The following CUBN variants were observed in gnomAD, a reference collection of about 807,000 sequenced individuals.
CUBN encodes 460 kDa receptor.
In CUBN, 282 loss-of-function variants were observed where a neutral mutation model predicts 405.3. The ratio of observed to expected loss-of-function variants is 0.70; its 90% CI spans 0.63 to 0.77. CUBN has a LOEUF of 0.77. Among genes scored for constraint, CUBN ranks in the 30% least tolerant of loss-of-function variants. The pLI is 0.00. For synonymous variants in CUBN, 1,684 were observed against 1,617.0 expected (o/e 1.04, Z -0.99); for missense variants, 4,514 against 4,475.2 (o/e 1.01, Z -0.25).
chr10:16,983,596 T>C (rs1370337099), intron 30 of CUBN, among the ~76,000 whole-genome samples: 1 of 152,248 alleles, frequency 6.6e-6, no homozygotes, highest in Non-Finnish European at 1.5e-5. Context: ...CTATCTCTAG[T>C]AGTTGCATAT....
chr10:16,891,946 A>G (rs536444488), intron 54 of CUBN, among the ~76,000 whole-genome samples: 3 of 152,338 alleles, frequency 2.0e-5, no homozygotes, highest in East Asian at 1.9e-4. Flanking sequence ...ACAAGGATGT[A>G]GTTGGATGTG....
intron 6 of CUBN, among the ~76,000 whole-genome samples, chr10:17,118,302 C>T (rs1371079492): frequency 1.3e-5 from 2 of 152,148 alleles, no homozygotes; most frequent in Non-Finnish European, 2.9e-5. Context: ...CCCAAAACCA[C>T]AAAATGAATA....
At chr10:16,916,321 A>G (rs994883091) in intron 45 of CUBN, among the ~76,000 whole-genome samples, 1 of 152,244 alleles carries the variant, frequency 6.6e-6, no homozygotes, top group African/African-American at 2.4e-5. Flanking sequence ...TTCTTTTGGG[A>G]CACTATGTAA....
intron 59 of CUBN, among the ~76,000 whole-genome samples, chr10:16,867,246 G>A (rs1019452416): frequency 6.6e-6 from 1 of 151,086 alleles, no homozygotes; most frequent in African/African-American, 2.4e-5. Flanking sequence ...CTCTTCAGGG[G>A]AAAGACAGAG....
At chr10:16,830,452 C>T (rs1838951609) in intron 65 of CUBN, among the ~76,000 whole-genome samples, 1 of 152,128 alleles carries the variant, frequency 6.6e-6, no homozygotes, top group Non-Finnish European at 1.5e-5. Flanking sequence ...AATGTATTGA[C>T]ATGACTTAAA....
At chr10:17,103,089 T>C (rs1034509449) in intron 13 of CUBN, 36 bp downstream of exon 13, 2 of 1,094,428 alleles carry the variant, frequency 1.8e-6, no homozygotes, top group Non-Finnish European at 2.8e-6. Context: ...TATATACAAA[T>C]ATAATATGCA....
At chr10:16,923,337 G>A (rs1466745636) in intron 43 of CUBN, among the ~76,000 whole-genome samples, 1 of 152,146 alleles carries the variant, frequency 6.6e-6, no homozygotes, top group Non-Finnish European at 1.5e-5. Flanking sequence ...TAGCGAAGGA[G>A]TGTCTCTGGA....
At chr10:17,061,483 T>C (rs981070573) in intron 22 of CUBN, among the ~76,000 whole-genome samples, 1 of 152,182 alleles carries the variant, frequency 6.6e-6, no homozygotes, top group African/African-American at 2.4e-5. Context: ...AGTTTTAAAA[T>C]AGAAACAGAA....
At chr10:16,964,440 A>G (rs974064225) in intron 31 of CUBN, among the ~76,000 whole-genome samples, 2 of 152,204 alleles carry the variant, frequency 1.3e-5, no homozygotes. Context: ...TATTATCTTA[A>G]CTATGCATGT....
chr10:16,846,598 G>T (rs1177998247), intron 60 of CUBN, among the ~76,000 whole-genome samples: 4 of 151,968 alleles, frequency 2.6e-5, no homozygotes, highest in Non-Finnish European at 5.9e-5. Flanking sequence ...GATCACCTAA[G>T]GTCAGGAGTT....
chr10:16,841,031 C>G lies in CUBN; in HGVS notation c.9680G>C (p.Ser3227Thr). 8.1e-6 allele frequency: 13 copies of G among 1,614,094 alleles called. No homozygotes were observed. Among genetic ancestry groups the G allele is most frequent in the Non-Finnish European group, 1.1e-5 (13 of 1,179,990 alleles). Residue 3227 changes from serine to threonine, a missense_variant, in exon 61 of 67, where the codon AGT becomes ACT. By Grantham distance (58) the Ser-to-Thr change is moderately conservative (BLOSUM62 1). Transcript: ENST00000377833. ...YDYVKLYDGDSENANLAGTFC... is the reference protein window; with the variant it reads ...YDYVKLYDGDTENANLAGTFC... ...CGTTCCAGCCAAGTTCGCATTTTCA[C>G]TATCCCCATCATATAACTGAGAAGA...
rs1387497437 is a variant in CUBN at position 16,925,603 on chromosome 10, T to C, written c.6443A>G (p.Asn2148Ser). 8 of 1,613,872 alleles carry C rather than the reference T, an allele frequency of 5.0e-6. No individual in the cohort carries two copies. The African/African-American group carries it at 5.3e-5, about 11-fold the overall frequency. The change falls in exon 42 of 67, where the codon AAC (asparagine) becomes AGC (serine). Residue 2148 changes from asparagine (N) to serine (S), a missense_variant. By Grantham distance (46) the Asn-to-Ser change is conservative. Around this residue, in one of 5 missense-constraint regions of CUBN, gnomAD observed 1,613 missense variants for 1,542.8 expected, o/e 1.05. Transcript: ENST00000377833. ...FQIPNGDSSC[N>S]QGDYLVLRNG... The stretch of plus-strand genomic sequence containing the variant: ...ACCTACCACCAAGTAATCCCCCTGG[T>C]TGCAAGAAGAATCTCCATTTGGAAT...
chr10:17,044,613 T>C (rs1344596939), intron 25 of CUBN, among the ~76,000 whole-genome samples: 4 of 152,138 alleles, frequency 2.6e-5, no homozygotes, highest in Non-Finnish European at 5.9e-5. Context: ...AAATGAACAA[T>C]GGTGAATTGC....
chr10:16,937,608 T>A lies in CUBN; in HGVS notation c.5910A>T (p.Leu1970Phe). 1 of 1,613,838 alleles carries A rather than the reference T, an allele frequency of 6.2e-7. No individual in the cohort carries two copies. Among genetic ancestry groups the A allele is most frequent in the South Asian group, 1.1e-5 (1 of 91,072 alleles). ...CAAACACACCTGGAGCAATGGTAGG[T>A]AAAACACCATCAGGTGCATCCACTG... ...WFAVDAPDGV[L>F]PTIAPGACGG... The change falls in exon 39 of 67, where the codon TTA becomes TTT. Residue 1970 changes from leucine to phenylalanine, a missense_variant. By Grantham distance (22) the Leu-to-Phe change is conservative (BLOSUM62 0). Around this residue, in one of 5 missense-constraint regions of CUBN, gnomAD observed 1,613 missense variants for 1,542.8 expected, o/e 1.05. Transcript: ENST00000377833.
At chr10:16,952,480 G>GA (rs1411034849) in intron 32 of CUBN, 91 bp from the exon 33 acceptor site, 2 of 867,100 alleles carry the variant, frequency 2.3e-6, no homozygotes. Context: ...AACCATCAAT[G>GA]ATTTTTCTTC....
chr10:17,115,383 G>T, intron 7 of CUBN, 88 bp downstream of exon 7: 1 of 1,540,666 alleles, frequency 6.5e-7, no homozygotes, highest in Non-Finnish European at 8.9e-7. Flanking sequence ...TAAGCTCCAG[G>T]TAGTGCTTGT....
rs77695492 is a variant in CUBN, at chr10:17,019,196, T to G, written c.4168+637A>C. Among the ~76,000 whole-genome samples the G allele has an allele frequency of 2.3e-3, 345 of 152,308 alleles. 3 individuals carry two copies. Among genetic ancestry groups the G allele is most frequent in the Non-Finnish European group, 3.6e-3 (246 of 68,018 alleles). On this transcript the variant is annotated intron_variant, in intron 28 of 66. Transcript: ENST00000377833. ...TTGGCCCACCTGAGATTTGAAGACA[T>G]TTCAGATCTCTTGTTAAAGAAGACC...
intron 59 of CUBN, among the ~76,000 whole-genome samples, chr10:16,856,331 C>T (rs1043174591): frequency 5.3e-5 from 8 of 152,134 alleles, no homozygotes; most frequent in East Asian, 1.9e-4. Context: ...ACAAACGTCA[C>T]TCTTTCTTCC....
At chr10:16,983,276 G>T (rs184045582) in intron 30 of CUBN, among the ~76,000 whole-genome samples, 168 of 152,290 alleles carry the variant, frequency 1.1e-3, no homozygotes, top group African/African-American at 3.9e-3. Flanking sequence ...GTGTGTCTGT[G>T]TGTGTGTGTG....
Sources: gnomAD v4.1 joint callset for allele counts (sites outside exome capture counted in the v4.1 genomes callset) on GRCh38, gnomAD v4.1.1 for gene constraint, gnomAD v4.1.1 regional missense constraint, MANE v1.5 for transcripts, NCBI Gene and HGNC (gene_info 2026-07-23, HGNC 2026-07-21) for gene names.